Variants in RLF observed in about 807,000 individuals in gnomAD.
RLF encodes the protein zinc finger protein Rlf.
Under a neutral mutation model 162.9 loss-of-function variants are expected in RLF, and 7 were observed. The ratio of observed to expected loss-of-function variants is 0.04; its 90% CI spans 0.02 to 0.08. The LOEUF (loss-of-function observed/expected upper bound fraction) is 0.08, where lower values mean the gene tolerates loss of function less well. Ranked by LOEUF, RLF falls within the 10% of genes least tolerant of loss-of-function variation. The probability of loss-of-function intolerance (pLI) is 1.00; values close to 1 mark genes in which losing one functional copy is unlikely to be tolerated. For missense variants in RLF, 1,664 were observed against 2,244.7 expected (o/e 0.74, Z 5.23); for synonymous variants, 782 against 791.5 (o/e 0.99, Z 0.20).
intron 1 of RLF, among the ~76,000 whole-genome samples, chr1:40,187,022 C>A (rs368432870): frequency 1.3e-5 from 2 of 151,552 alleles, no homozygotes; most frequent in East Asian, 3.9e-4. Context: ...TAATAAATTT[C>A]TTTGTTTTTT....
intron 5 of RLF, among the ~76,000 whole-genome samples, chr1:40,218,204 A>G (rs1570552633): frequency 6.6e-6 from 1 of 152,184 alleles, no homozygotes; most frequent in East Asian, 1.9e-4. Context: ...ATTGGCCTGT[A>G]TGATAACTTT....
intron 5 of RLF, among the ~76,000 whole-genome samples, chr1:40,208,442 A>C (rs1642824827): frequency 6.6e-6 from 1 of 152,210 alleles, no homozygotes; most frequent in Non-Finnish European, 1.5e-5. Context: ...TAACTGCAGA[A>C]AACATTTATT....
chr1:40,176,772 A>G (rs1052162674), intron 1 of RLF, among the ~76,000 whole-genome samples: 1 of 152,010 alleles, frequency 6.6e-6, no homozygotes, highest in Non-Finnish European at 1.5e-5. Context: ...GTCTTTTCAT[A>G]TGTTTGTTTG....
At chr1:40,187,156 T>G (rs1482221080) in intron 1 of RLF, among the ~76,000 whole-genome samples, 1 of 151,976 alleles carries the variant, frequency 6.6e-6, no homozygotes, top group Non-Finnish European at 1.5e-5. Flanking sequence ...CTCAGCCTCC[T>G]GAGCAGCTGG....
intron 1 of RLF, among the ~76,000 whole-genome samples, chr1:40,177,407 A>G (rs1177809788): frequency 6.7e-6 from 1 of 150,322 alleles, no homozygotes; most frequent in Non-Finnish European, 1.5e-5. Flanking sequence ...CTCCTGCCTC[A>G]GCTTCCCAAG....
intron 6 of RLF, among the ~76,000 whole-genome samples, chr1:40,227,700 A>G (rs1018480218): frequency 2.0e-5 from 3 of 152,176 alleles, no homozygotes; most frequent in Non-Finnish European, 2.9e-5. Context: ...ATTCTGACTT[A>G]CTGTTTTAAA....
chr1:40,196,850 T>TA (rs1435330670), intron 4 of RLF, among the ~76,000 whole-genome samples: 1 of 152,196 alleles, frequency 6.6e-6, no homozygotes, highest in Non-Finnish European at 1.5e-5. Flanking sequence ...CCAGAAAAAT[T>TA]ATGTATTTGA....
intron 1 of RLF, 105 bp from the exon 2 acceptor site, chr1:40,188,950 G>A (rs1642521413): frequency 1.6e-6 from 1 of 644,288 alleles, no homozygotes; most frequent in Non-Finnish European, 2.5e-6. Context: ...AAAGGTATAT[G>A]CATCTGTTAG....
intron 7 of RLF, among the ~76,000 whole-genome samples, chr1:40,233,292 A>G (rs1643175968): frequency 6.6e-6 from 1 of 152,150 alleles, no homozygotes; most frequent in African/African-American, 2.4e-5. Flanking sequence ...ATATCTGTTC[A>G]GAATATATAA....
rs60379541 is a variant in RLF, at chr1:40,204,034, C to CT, written c.810+1438dup. Among the ~76,000 whole-genome samples the CT allele has an allele frequency of 5.5e-3, 741 of 135,152 alleles. 7 individuals carry two copies. Among genetic ancestry groups the CT allele is most frequent in the African/African-American group, 0.01 (379 of 36,128 alleles). The allele number at this position is 135,152 out of a possible 152,430, so 88.7% of individuals were successfully genotyped here. On this transcript the variant is annotated intron_variant, in intron 5 of 7. Transcript: ENST00000372771. ...TCTCAAAGAGCGAGAGGTCCTCTCTCTTTTTTTTTTTTTTTTTTGACAGAG... is the reference window on the plus strand; with the variant it reads ...TCTCAAAGAGCGAGAGGTCCTCTCTCTTTTTTTTTTTTTTTTTTTGACAGAG...
At chr1:40,178,927 C>T (rs186820604) in intron 1 of RLF, among the ~76,000 whole-genome samples, 29 of 152,188 alleles carry the variant, frequency 1.9e-4, no homozygotes, top group Admixed American at 6.5e-5. Flanking sequence ...CTCCACATCC[C>T]GGGTTCAAGT....
intron 2 of RLF, among the ~76,000 whole-genome samples, chr1:40,189,805 AC>A (rs201495213): frequency 1.1e-4 from 16 of 151,470 alleles, no homozygotes; most frequent in Admixed American, 1.3e-4. Context: ...TGTCTCAACA[AC>A]AAAAAAAAAA....
intron 5 of RLF, among the ~76,000 whole-genome samples, chr1:40,208,811 T>A (rs761370543): frequency 2.0e-5 from 3 of 152,186 alleles, no homozygotes; most frequent in Non-Finnish European, 4.4e-5. Context: ...AGTAAGACCC[T>A]GTCTCAAAAA....
At chr1:40,203,590 A>C (rs79727054) in intron 5 of RLF, among the ~76,000 whole-genome samples, 7,905 of 152,112 alleles carry the variant, frequency 0.052, 605 homozygotes, top group African/African-American at 0.17. Flanking sequence ...CCTTTAAAAA[A>C]AAAAAACCTC....
In RLF at chr1:40,237,434, A is replaced by G; in HGVS notation, c.2732A>G (p.Glu911Gly). Residue 911 changes from glutamate to glycine, a missense_variant, in exon 8 of 8, where the codon GAG becomes GGG. Transcript: ENST00000372771. The surrounding 1 kb of genome is among the most constrained non-coding windows in gnomAD (Gnocchi z 4.4). ...SHSSSASMNE[E>G]LIDTLDHSET... is the part of the protein sequence containing the mutation. ...AGCTCTTCAGCTTCAATGAATGAAG[A>G]GCTAATTGACACACTAGATCACTCT... 6.2e-7 allele frequency: 1 copy of G among 1,614,046 alleles called. No homozygotes were observed. The highest frequency in any genetic ancestry group is 1.1e-5 in the South Asian group (1 of 91,070).
intron 4 of RLF, among the ~76,000 whole-genome samples, chr1:40,200,434 CAG>C (rs1204884515): frequency 7.2e-5 from 11 of 152,198 alleles, no homozygotes; most frequent in African/African-American, 2.6e-4. Context: ...TGATGATTGA[CAG>C]AGATTGGAAA....
At chr1:40,205,779 C>T (rs982073753) in intron 5 of RLF, among the ~76,000 whole-genome samples, 2 of 152,146 alleles carry the variant, frequency 1.3e-5, no homozygotes, top group African/African-American at 4.8e-5. Flanking sequence ...GCGTGAGCCA[C>T]GGTGCCTGGC....
intron 5 of RLF, among the ~76,000 whole-genome samples, chr1:40,220,801 G>A (rs1357766409): frequency 1.3e-5 from 2 of 151,996 alleles, no homozygotes; most frequent in Non-Finnish European, 2.9e-5. Flanking sequence ...TTATAGTCTA[G>A]CTGGAGAGCC....
chr1:40,221,167 G>A (rs6667759), intron 5 of RLF, among the ~76,000 whole-genome samples: 28,360 of 151,646 alleles, frequency 0.19, 2,796 homozygotes, highest in Non-Finnish European at 0.21. Flanking sequence ...GTAAAGGCCA[G>A]TATGAGTAGG....
Sources: gnomAD v4.1 joint callset for allele counts (sites outside exome capture counted in the v4.1 genomes callset) on GRCh38, gnomAD v4.1.1 for gene constraint, Gnocchi (gnomAD v3.1) non-coding constraint, MANE v1.5 for transcripts, NCBI Gene and HGNC (gene_info 2026-07-23, HGNC 2026-07-21) for gene names.